Variants in FARS2 observed in about 807,000 individuals in gnomAD.
FARS2 encodes the protein phenylalanyl-tRNA synthetase 2, mitochondrial.
Under a neutral mutation model 46.4 loss-of-function variants are expected in FARS2, and 40 were observed. The ratio of observed to expected loss-of-function variants is 0.86; its 90% CI spans 0.67 to 1.12. The LOEUF (loss-of-function observed/expected upper bound fraction) is 1.12, where lower values mean the gene tolerates loss of function less well. Among genes scored for constraint, FARS2 ranks in the 50% most tolerant of loss-of-function variants. FARS2 has a pLI of 0.00. For synonymous variants in FARS2, 234 were observed against 214.9 expected, an observed-to-expected ratio of 1.09 and a Z score of -0.78; for missense variants, 513 against 567.9, an observed-to-expected ratio of 0.90 and a Z score of 0.98.
At position 5,272,582 on chromosome 6, in the gene FARS2, AATAC is replaced by A. The variant is rs1245179360; in HGVS notation, c.-22+10925_-22+10928del. The stretch of plus-strand genomic sequence containing the variant: ...ATTTTTGGGGTACATGTGATACTTT[AATAC>A]ATTCATATAATTTATAAAGATCAAA... On this transcript the variant is annotated intron_variant, in intron 1 of 6. Transcript: ENST00000274680. 12 of 152,318 alleles carry A rather than the reference AATAC, an allele frequency of 7.9e-5. No homozygotes were observed. In the East Asian group the frequency reaches 1.9e-3, roughly 24 times the overall value. 9.4% of individuals were successfully genotyped at this position (152,318 alleles called of 1,614,324 possible). A position where few individuals can be genotyped will look rare whatever the true frequency, so the allele number is the denominator to read the frequency against.
intron 2 of FARS2, among the ~76,000 whole-genome samples, chr6:5,375,241 A>G (rs896578465): frequency 2.0e-5 from 3 of 152,106 alleles, no homozygotes; most frequent in Non-Finnish European, 4.4e-5. Flanking sequence ...TTCAGGGACA[A>G]TATAGAAAAA....
intron 3 of FARS2, among the ~76,000 whole-genome samples, chr6:5,419,361 G>T (rs1549363): frequency 0.19 from 28,758 of 152,150 alleles, 3,061 homozygotes; most frequent in East Asian, 0.48. Context: ...CTCAACTGAG[G>T]TAAGTTAATG....
chr6:5,356,263 A>T (rs541739504), intron 1 of FARS2, among the ~76,000 whole-genome samples: 1 of 152,214 alleles, frequency 6.6e-6, no homozygotes. Context: ...AGCCTGGCCA[A>T]CATGGTGAGA....
At position 5,436,750 on chromosome 6, in the gene FARS2, C is replaced by T. The variant is rs377552590; in HGVS notation, c.904+5578C>T. 5.9e-5 allele frequency among the ~76,000 whole-genome samples: 9 copies of T among 152,234 alleles called. No individual in the cohort carries two copies. The East Asian group carries it at 1.7e-3, about 29-fold the overall frequency. ...TACTTGGAGAGGTTATTTAAAATGT[C>T]TGTTCATAGAGCATCAGAGTCTGGA... On this transcript the variant is annotated intron_variant, in intron 4 of 6. Transcript: ENST00000274680.
intron 5 of FARS2, among the ~76,000 whole-genome samples, chr6:5,594,769 C>T (rs1429595500): frequency 6.6e-6 from 1 of 152,170 alleles, no homozygotes; most frequent in Non-Finnish European, 1.5e-5. Context: ...CTGGGACCCA[C>T]CTCCAAGGAC....
At chr6:5,681,244 T>A (rs1190342548) in intron 6 of FARS2, among the ~76,000 whole-genome samples, 2 of 152,224 alleles carry the variant, frequency 1.3e-5, no homozygotes, top group Non-Finnish European at 2.9e-5. Flanking sequence ...TATAGTTTAT[T>A]CATCTGGACA....
At chr6:5,408,793 A>G (rs1477098477) in intron 3 of FARS2, among the ~76,000 whole-genome samples, 1 of 152,212 alleles carries the variant, frequency 6.6e-6, no homozygotes, top group Non-Finnish European at 1.5e-5. Flanking sequence ...AGCAACGGTC[A>G]TGGCTGATTC....
chr6:5,740,285 G>A (rs1761250025), intron 6 of FARS2, among the ~76,000 whole-genome samples: 1 of 152,160 alleles, frequency 6.6e-6, no homozygotes, highest in South Asian at 2.1e-4. Context: ...GAAAGTTTCA[G>A]CTGTTGCTTA....
At chr6:5,619,895 T>A (rs1358921367) in intron 6 of FARS2, among the ~76,000 whole-genome samples, 5 of 152,138 alleles carry the variant, frequency 3.3e-5, no homozygotes, top group Non-Finnish European at 7.3e-5. Context: ...TGCATACAAA[T>A]TTGAAAATAG....
chr6:5,299,018 G>A (rs566252779), intron 1 of FARS2, among the ~76,000 whole-genome samples: 1 of 152,202 alleles, frequency 6.6e-6, no homozygotes, highest in East Asian at 1.9e-4. Context: ...TCTTTATAGA[G>A]TATGTTTTTA....
intron 1 of FARS2, among the ~76,000 whole-genome samples, chr6:5,298,307 T>C (rs1768040992): frequency 6.6e-6 from 1 of 152,190 alleles, no homozygotes; most frequent in African/African-American, 2.4e-5. Context: ...TCCTGGACCC[T>C]GCCTCATCGG....
intron 6 of FARS2, among the ~76,000 whole-genome samples, chr6:5,617,310 G>A (rs895792090): frequency 3.3e-5 from 5 of 152,190 alleles, no homozygotes; most frequent in African/African-American, 1.2e-4. Flanking sequence ...ATCTTACAAT[G>A]TCTTGAATAC....
intron 6 of FARS2, among the ~76,000 whole-genome samples, chr6:5,711,689 A>G (rs1406596783): frequency 6.6e-6 from 1 of 152,204 alleles, no homozygotes; most frequent in Non-Finnish European, 1.5e-5. Context: ...AACATTCCTG[A>G]CCAATGCTCC....
intron 1 of FARS2, among the ~76,000 whole-genome samples, chr6:5,328,961 G>A (rs1380695739): frequency 1.3e-5 from 2 of 152,066 alleles, no homozygotes; most frequent in African/African-American, 4.8e-5. Context: ...GGAGGTAAAG[G>A]ATTAGCGTGG....
At chr6:5,579,077 C>T (rs946507634) in intron 5 of FARS2, among the ~76,000 whole-genome samples, 30 of 152,188 alleles carry the variant, frequency 2.0e-4, no homozygotes, top group African/African-American at 6.5e-4. Context: ...TAGCTATAAA[C>T]GTCCATGTTA....
chr6:5,718,071 G>A (rs768816564), intron 6 of FARS2, among the ~76,000 whole-genome samples: 33 of 151,744 alleles, frequency 2.2e-4, no homozygotes, highest in Admixed American at 7.2e-4. Flanking sequence ...GTGCCACCAC[G>A]CCTGGCTAAT....
At chr6:5,511,058 C>T (rs540076652) in intron 4 of FARS2, among the ~76,000 whole-genome samples, 1 of 152,270 alleles carries the variant, frequency 6.6e-6, no homozygotes, top group South Asian at 2.1e-4. Flanking sequence ...TCTCTCAAGA[C>T]ACAGGAGGGA....
chr6:5,257,807 A>T (rs145505252), upstream of FARS2, among the ~76,000 whole-genome samples: 517 of 152,256 alleles, frequency 3.4e-3, 2 homozygotes, highest in Middle Eastern at 0.017. Flanking sequence ...GTCTTCCATG[A>T]AATTGGTTCC....
chr6:5,358,836 A>T (rs1053088293), intron 1 of FARS2, among the ~76,000 whole-genome samples: 2 of 151,022 alleles, frequency 1.3e-5, no homozygotes, highest in African/African-American at 2.4e-5. Flanking sequence ...ATTTGTGTCT[A>T]AAAAAAAACT....
Sources: allele counts gnomAD v4.1 joint callset (sites outside exome capture counted in the v4.1 genomes callset), GRCh38; gene constraint gnomAD v4.1.1; transcripts MANE v1.5; gene names NCBI Gene and HGNC (gene_info 2026-07-23, HGNC 2026-07-21).